Variants in DNAH5 observed in about 807,000 individuals in gnomAD.
DNAH5 encodes dynein axonemal heavy chain 5.
In DNAH5, 372 loss-of-function variants were observed where a neutral mutation model predicts 518.2. The ratio of observed to expected loss-of-function variants is 0.72; its 90% CI spans 0.66 to 0.78. The LOEUF is 0.78. Ranked by LOEUF, DNAH5 falls within the 30% of genes least tolerant of loss-of-function variation. The pLI is 0.00. For missense variants in DNAH5, 5,523 were observed against 5,687.0 expected (o/e 0.97, Z 0.93); for synonymous variants, 2,039 against 2,025.9 (o/e 1.01, Z -0.17).
intron 65 of DNAH5, among the ~76,000 whole-genome samples, chr5:13,743,217 T>C (rs1748853795): frequency 6.6e-6 from 1 of 152,030 alleles, no homozygotes; most frequent in Non-Finnish European, 1.5e-5. Context: ...GAGAGATAGA[T>C]GATAGATAAA....
chr5:13,829,390 C>A, intron 38 of DNAH5, 120 bp downstream of exon 38: 1 of 939,676 alleles, frequency 1.1e-6, no homozygotes, highest in South Asian at 1.4e-5. Context: ...CACCTTTCTA[C>A]TCAGTGTCAA....
In DNAH5 at chr5:13,840,951, A is replaced by G. The variant is rs1765071807; in HGVS notation, c.5664T>C (p.Thr1888=). Residue 1888 remains threonine, a synonymous_variant, in exon 34 of 79, where the codon ACT becomes ACC. Coordinates refer to ENST00000265104, the MANE Select transcript of DNAH5 (RefSeq NM_001369.3). ...TTTGGTGCACATGAATAGTAATCAG[A>G]GTCTCGTATTTCACTCGTTCCGTGG... ...LSSTERVKYE[T]LITIHVHQRD... 6.2e-7 allele frequency: 1 copy of G among 1,614,150 alleles called. No individual in the cohort carries two copies. Among genetic ancestry groups the G allele is most frequent in the African/African-American group, 1.3e-5 (1 of 75,062 alleles).
Position 13,965,114 on chromosome 5 carries a change from C to T in DNAH5, c.13-33870G>A, listed in dbSNP as rs113193837. On this transcript the variant is annotated intron_variant, in intron 1 of 78. Coordinates refer to the DNAH5 transcript ENST00000681290. ...CATCATAGCCTTTCATTCTTACACA[C>T]GGCACCCTAGAGGGTCAACATGTGT... 3.1e-3 allele frequency among the ~76,000 whole-genome samples: 473 copies of T among 152,250 alleles called. 1 individual carries two copies. Among genetic ancestry groups the T allele is most frequent in the Non-Finnish European group, 5.3e-3 (361 of 68,022 alleles).
At chr5:13,962,937 C>CG (rs1384968674) in intron 1 of DNAH5, among the ~76,000 whole-genome samples, 2 of 152,258 alleles carry the variant, frequency 1.3e-5, no homozygotes, top group East Asian at 3.9e-4. Flanking sequence ...GTAAGTGCCA[C>CG]GTCCATGACA....
chr5:13,758,231 C>T (rs1751281451), intron 61 of DNAH5, among the ~76,000 whole-genome samples: 2 of 152,138 alleles, frequency 1.3e-5, no homozygotes, highest in African/African-American at 4.8e-5. Flanking sequence ...CACTAGGGTG[C>T]CTTGGCTCAC....
At chr5:13,814,112 G>A (rs1379427322) in intron 43 of DNAH5, among the ~76,000 whole-genome samples, 1 of 152,072 alleles carries the variant, frequency 6.6e-6, no homozygotes. Context: ...ATGAATTGAT[G>A]AGATGTTATC....
chr5:13,898,147 C>G (rs909953726), intron 15 of DNAH5: 1 of 155,818 alleles, frequency 6.4e-6, no homozygotes, highest in African/African-American at 2.4e-5. Flanking sequence ...CAATAAACAA[C>G]CTTTGTCAAC....
chr5:13,776,309 C>T (rs1372574442), intron 55 of DNAH5, 130 bp downstream of exon 55: 3 of 1,252,588 alleles, frequency 2.4e-6, no homozygotes, highest in East Asian at 2.3e-5. Flanking sequence ...GAGATTAAAC[C>T]TCTGTGCCTT....
intron 26 of DNAH5, 77 bp downstream of exon 26, chr5:13,866,143 A>G: frequency 7.1e-7 from 1 of 1,406,056 alleles, no homozygotes; most frequent in South Asian, 1.2e-5. Context: ...TCTATCTTAC[A>G]AAGAAGAAAA....
At chr5:13,708,528 C>T (rs12655711) in intron 75 of DNAH5, among the ~76,000 whole-genome samples, 193 bp from the exon 76 acceptor site, 126 of 151,990 alleles carry the variant, frequency 8.3e-4, no homozygotes, top group African/African-American at 3.0e-3. Flanking sequence ...ATGACCAGCC[C>T]GAATTTTCAT....
chr5:13,869,104 A>G (rs1033052938), intron 24 of DNAH5, among the ~76,000 whole-genome samples: 3 of 152,068 alleles, frequency 2.0e-5, no homozygotes, highest in African/African-American at 7.2e-5. Flanking sequence ...TGATGTTTCA[A>G]CCCAAGGAGA....
chr5:13,730,133 C>G (rs1051122566), intron 68 of DNAH5, among the ~76,000 whole-genome samples: 2 of 151,730 alleles, frequency 1.3e-5, no homozygotes, highest in Non-Finnish European at 2.9e-5. Flanking sequence ...TCACTTATGC[C>G]TGTGGTTATA....
intron 1 of DNAH5, among the ~76,000 whole-genome samples, chr5:13,973,597 C>A (rs1354579316): frequency 2.0e-5 from 3 of 151,964 alleles, no homozygotes; most frequent in Non-Finnish European, 2.9e-5. Context: ...AATTATAGGA[C>A]CCAAATGAGT....
At chr5:13,928,235 T>A in intron 2 of DNAH5, 57 bp from the exon 3 acceptor site, 1 of 1,302,610 alleles carries the variant, frequency 7.7e-7, no homozygotes. Flanking sequence ...AAACTGCAAT[T>A]AAATCAGCAT....
At chr5:13,811,460 A>C (rs943725647) in intron 44 of DNAH5, among the ~76,000 whole-genome samples, 187 bp downstream of exon 44, 8 of 152,240 alleles carry the variant, frequency 5.3e-5, no homozygotes, top group African/African-American at 1.9e-4. Flanking sequence ...ATATGAAAAA[A>C]TAAGTATATA....
chr5:14,006,791 G>T (rs1000903688), intron 1 of DNAH5, among the ~76,000 whole-genome samples: 1 of 152,200 alleles, frequency 6.6e-6, no homozygotes, highest in East Asian at 1.9e-4. Flanking sequence ...TCTAAGTGCT[G>T]TGGGCTGACT....
intron 51 of DNAH5, among the ~76,000 whole-genome samples, chr5:13,788,364 G>C (rs1756402554): frequency 6.6e-6 from 1 of 152,166 alleles, no homozygotes; most frequent in Admixed American, 6.5e-5. Context: ...TATGAATGAG[G>C]TTCAAGAGAG....
chr5:13,776,327 C>T (rs2126809462), intron 55 of DNAH5, 112 bp downstream of exon 55: 1 of 1,408,754 alleles, frequency 7.1e-7, no homozygotes, highest in Middle Eastern at 1.8e-4. Flanking sequence ...CTTCCCATGA[C>T]ATCCTGGAGC....
Position 13,900,251 on chromosome 5 carries a change from G to A in DNAH5, c.2214C>T (p.Leu738=). Residue 738 remains leucine, a synonymous_variant, in exon 15 of 79, where the codon CTC becomes CTT. Coordinates refer to ENST00000265104, the MANE Select transcript of DNAH5 (RefSeq NM_001369.3). ...GLEVSPLATS[L]FQKRDRYKRN... The stretch of plus-strand genomic sequence containing the variant: ...TTTTGTATCTATCTCGTTTCTGGAA[G>A]AGGGAAGTTGCCAGTGGAGAGACTT... 1 of 1,614,144 alleles carries A rather than the reference G, an allele frequency of 6.2e-7. No individual in the cohort carries two copies. The highest frequency in any genetic ancestry group is 1.1e-5 in the South Asian group (1 of 91,076).
Sources: gnomAD v4.1 joint callset for allele counts (sites outside exome capture counted in the v4.1 genomes callset) on GRCh38, gnomAD v4.1.1 for gene constraint, MANE v1.5 for transcripts, NCBI Gene and HGNC (gene_info 2026-07-23, HGNC 2026-07-21) for gene names.